The following TMEM64 variants were observed in gnomAD, a reference collection of about 807,000 sequenced individuals.
TMEM64 encodes the protein transmembrane protein 64.
In TMEM64, 19 loss-of-function variants were observed where a neutral mutation model predicts 24.5. The ratio of observed to expected loss-of-function variants is 0.78; its 90% CI spans 0.54 to 1.14. The LOEUF (loss-of-function observed/expected upper bound fraction) is 1.14, where lower values mean the gene tolerates loss of function less well. Among genes scored for constraint, TMEM64 ranks in the 50% most tolerant of loss-of-function variants. TMEM64 has a pLI of 0.00. For missense variants in TMEM64, 487 were observed against 493.0 expected, an observed-to-expected ratio of 0.99 and a Z score of 0.12; for synonymous variants, 262 against 224.7, an observed-to-expected ratio of 1.17 and a Z score of -1.49.
intron 1 of TMEM64, among the ~76,000 whole-genome samples, chr8:90,643,353 A>G (rs1421355176): frequency 6.6e-6 from 1 of 152,298 alleles, no homozygotes; most frequent in African/African-American, 2.4e-5. Flanking sequence ...CAATAATCCT[A>G]TGGAAGTAGG....
At chr8:90,629,936 T>C (rs1306222405) in intron 2 of TMEM64, among the ~76,000 whole-genome samples, 1 of 152,178 alleles carries the variant, frequency 6.6e-6, no homozygotes, top group East Asian at 1.9e-4. Context: ...TATTTTATCA[T>C]AGTATTTTAA....
At chr8:90,629,446 T>C (rs980702513) in intron 2 of TMEM64, among the ~76,000 whole-genome samples, 6 of 152,114 alleles carry the variant, frequency 3.9e-5, no homozygotes, top group Non-Finnish European at 7.4e-5. Flanking sequence ...GGGATTCTAA[T>C]TACTCAAATG....
At position 90,645,273 on chromosome 8, in the gene TMEM64, C is replaced by T. The variant is rs1368292370; in HGVS notation, c.633G>A (p.Val211=). ...AGGCGGTGAGGAGCCGCTTGCAGACCACATGGGCGATGAAGGTGCCGATGA... is the reference window on the plus strand; with the variant it reads ...AGGCGGTGAGGAGCCGCTTGCAGACTACATGGGCGATGAAGGTGCCGATGA... ...GVLIGTFIAH[V]VCKRLLTAWV... The change falls in exon 1 of 3, where the codon GTG becomes GTA. Residue 211 remains valine, a synonymous_variant. Transcript: ENST00000458549. The surrounding 1 kb of genome is among the most constrained non-coding windows in gnomAD (Gnocchi z 4.2). 3 of 1,608,776 alleles carry T rather than the reference C, an allele frequency of 1.9e-6. No homozygotes were observed. Among genetic ancestry groups the T allele is most frequent in the South Asian group, 1.1e-5 (1 of 90,462 alleles).
rs1469356177 is a variant in TMEM64 at position 90,622,861 on chromosome 8, G to A, written c.*2810C>T. 4 of 152,116 alleles carry A rather than the reference G, an allele frequency of 2.6e-5. No individual in the cohort carries two copies. Among genetic ancestry groups the A allele is most frequent in the South Asian group, 2.1e-4 (1 of 4,824 alleles). The allele number at this position is 152,116 out of a possible 1,614,324, so 9.4% of individuals were successfully genotyped here. On this transcript the variant is annotated 3_prime_UTR_variant, in exon 3 of 3. Coordinates refer to ENST00000458549, the MANE Select transcript of TMEM64 (RefSeq NM_001008495.4). ...TCTGAATAAACCCACAGTCACTTCT[G>A]AACATAAAGTACACATTCTAATGAC...
chr8:90,629,416 C>T (rs1032239232), intron 2 of TMEM64, among the ~76,000 whole-genome samples: 3 of 152,040 alleles, frequency 2.0e-5, no homozygotes, highest in African/African-American at 7.2e-5. Flanking sequence ...TAAAAGTTCT[C>T]TCTAAGCTAC....
At chr8:90,635,066 T>C (rs536254246) in intron 1 of TMEM64, among the ~76,000 whole-genome samples, 1 of 152,240 alleles carries the variant, frequency 6.6e-6, no homozygotes, top group Admixed American at 6.5e-5. Context: ...CAAGAAGTGC[T>C]TGGAAGAGAT....
At chr8:90,643,311 C>T (rs1809635098) in intron 1 of TMEM64, among the ~76,000 whole-genome samples, 1 of 152,190 alleles carries the variant, frequency 6.6e-6, no homozygotes, top group Non-Finnish European at 1.5e-5. Flanking sequence ...AAGCCAGGCT[C>T]TGCTGCATGT....
rs1809315657 is a variant in TMEM64 at position 90,623,818 on chromosome 8, A to G, written c.*1853T>C. 1 of 152,252 alleles carries G rather than the reference A, an allele frequency of 6.6e-6. No homozygotes were observed. Among genetic ancestry groups the G allele is most frequent in the African/African-American group, 2.4e-5 (1 of 41,416 alleles). The allele number at this position is 152,252 out of a possible 1,614,324, so 9.4% of individuals were successfully genotyped here. ...TCCTTTCACAAAAACTAACCAACAA[A>G]CAAGAAGCACAAGAAAAAGGTTGTC... On this transcript the variant is annotated 3_prime_UTR_variant, in exon 3 of 3. Transcript: ENST00000458549.
In TMEM64 at chr8:90,645,387, G is replaced by A. The variant is rs1586133380; in HGVS notation, c.519C>T (p.Pro173=). Residue 173 remains proline (P), a synonymous_variant, in exon 1 of 3, where the codon CCC becomes CCT. Coordinates refer to ENST00000458549, the MANE Select transcript of TMEM64 (RefSeq NM_001008495.4). This position sits in a 1 kb window ranked among gnomAD's most constrained non-coding sequence, Gnocchi z 4.2. The part of the protein sequence containing the change: ...FVVGFIVVSF[P]CGWGYIVLNV... ...TGAGCACGATGTAGCCCCAGCCGCAGGGGAAAGAGACCACGATGAAGCCCA... is the reference window on the plus strand; with the variant it reads ...TGAGCACGATGTAGCCCCAGCCGCAAGGGAAAGAGACCACGATGAAGCCCA... 19 of 1,551,774 alleles carry A rather than the reference G, an allele frequency of 1.2e-5. No individual in the cohort carries two copies. The highest frequency in any genetic ancestry group is 1.7e-5 in the Non-Finnish European group (19 of 1,147,072).
rs1809697487 is a variant in TMEM64, at chr8:90,646,022, G to T, written c.-117C>A. 2.4e-6 allele frequency: 1 copy of T among 414,500 alleles called. No individual in the cohort carries two copies. Among genetic ancestry groups the T allele is most frequent in the Non-Finnish European group, 3.4e-6 (1 of 297,832 alleles). The allele number at this position is 414,500 out of a possible 1,614,324, so 25.7% of individuals were successfully genotyped here. On this transcript the variant is annotated 5_prime_UTR_variant, in exon 1 of 3. Transcript: ENST00000458549. ...ATCGACTCCCTGCGTCCGCTCAGAG[G>T]GTGGGAGACGGCCCGTAGAAGGGCG... is the stretch of plus-strand genomic sequence containing the variant.
rs1162293186 is a variant in TMEM64, at chr8:90,631,618, G to A, written c.885C>T (p.Thr295=). ...CAATGACATCTTCCATTGTCCGCAG[G>A]GTGGTACCCAAGTAAGAATTCAGAA... ...TQLLNSYLGT[T]LRTMEDVIAE... The change falls in exon 2 of 3, where the codon ACC becomes ACT. Residue 295 remains threonine (T), a synonymous_variant. Transcript: ENST00000458549. 1 of 1,613,720 alleles carries A rather than the reference G, an allele frequency of 6.2e-7. No individual in the cohort carries two copies. Among genetic ancestry groups the A allele is most frequent in the South Asian group, 1.1e-5 (1 of 91,058 alleles).
intron 1 of TMEM64, among the ~76,000 whole-genome samples, chr8:90,640,970 CTT>C (rs1381934186): frequency 6.6e-6 from 1 of 152,194 alleles, no homozygotes; most frequent in Non-Finnish European, 1.5e-5. Context: ...AGGTCTTGCA[CTT>C]TAAAATTTAC....
chr8:90,627,589 G>A (rs1458889486), intron 2 of TMEM64, among the ~76,000 whole-genome samples: 1 of 152,104 alleles, frequency 6.6e-6, no homozygotes, highest in Non-Finnish European at 1.5e-5. Context: ...TGAAGCTATG[G>A]AAAGAGGGCT....
At chr8:90,628,845 A>G (rs180999942) in intron 2 of TMEM64, among the ~76,000 whole-genome samples, 1 of 152,328 alleles carries the variant, frequency 6.6e-6, no homozygotes, top group Admixed American at 6.5e-5. Flanking sequence ...GGGATACTCA[A>G]CAGGTAAGCA....
intron 1 of TMEM64, among the ~76,000 whole-genome samples, chr8:90,643,504 A>C (rs1462380719): frequency 1.3e-5 from 2 of 152,242 alleles, no homozygotes; most frequent in Admixed American, 1.3e-4. Flanking sequence ...ACACTAGTCT[A>C]TAATATGTGC....
intron 1 of TMEM64, among the ~76,000 whole-genome samples, 160 bp downstream of exon 1, chr8:90,644,951 T>C (rs1211854166): frequency 6.6e-6 from 1 of 152,204 alleles, no homozygotes; most frequent in Non-Finnish European, 1.5e-5. Flanking sequence ...GTTTTATGTG[T>C]AGGACAGACT....
chr8:90,629,298 G>T (rs1445507939), intron 2 of TMEM64, among the ~76,000 whole-genome samples: 1 of 152,076 alleles, frequency 6.6e-6, no homozygotes, highest in African/African-American at 2.4e-5. Context: ...CAAAGGGTGA[G>T]AAATCACTGA....
At chr8:90,628,839 T>C (rs1232818680) in intron 2 of TMEM64, among the ~76,000 whole-genome samples, 1 of 152,202 alleles carries the variant, frequency 6.6e-6, no homozygotes, top group African/African-American at 2.4e-5. Context: ...GGATTAGGGA[T>C]ACTCAACAGG....
intron 2 of TMEM64, 116 bp from the exon 3 acceptor site, chr8:90,625,978 G>A: frequency 1.4e-6 from 1 of 695,532 alleles, no homozygotes; most frequent in East Asian, 2.7e-5. Context: ...AAAGATGGTA[G>A]GTAAAGGGTT....
Sources: gnomAD v4.1 joint callset for allele counts (sites outside exome capture counted in the v4.1 genomes callset) on GRCh38, gnomAD v4.1.1 for gene constraint, Gnocchi (gnomAD v3.1) non-coding constraint, MANE v1.5 for transcripts, NCBI Gene and HGNC (gene_info 2026-07-23, HGNC 2026-07-21) for gene names.